Variants in CDH12 observed in about 807,000 individuals in gnomAD.
CDH12 encodes cadherin 12.
CDH12 carries 41 observed loss-of-function variants against 74.1 expected under a neutral mutation model. That is an observed-to-expected ratio of 0.55 (90% CI 0.43 to 0.72). The LOEUF (loss-of-function observed/expected upper bound fraction) is 0.72, where lower values mean the gene tolerates loss of function less well. CDH12 is among the 30% of genes least tolerant of loss of function. The pLI is 0.00. For synonymous variants in CDH12, 399 were observed against 355.0 expected, an observed-to-expected ratio of 1.12 and a Z score of -1.39; for missense variants, 945 against 977.2, an observed-to-expected ratio of 0.97 and a Z score of 0.44.
intron 6 of CDH12, among the ~76,000 whole-genome samples, chr5:21,925,057 G>A (rs1234557345): frequency 2.0e-5 from 3 of 151,928 alleles, no homozygotes; most frequent in Admixed American, 2.0e-4. Flanking sequence ...AAAACAAAGA[G>A]GAAAAGTTAA....
At chr5:22,681,228 G>GGGGGGT (rs1428206303) in intron 1 of CDH12, among the ~76,000 whole-genome samples, 9 of 105,816 alleles carry the variant, frequency 8.5e-5, no homozygotes, top group African/African-American at 2.5e-4. Context: ...GGTATTGGGG[G>GGGGGGT]GTGTGTGTGT....
intron 6 of CDH12, among the ~76,000 whole-genome samples, chr5:21,923,385 C>G (rs1483519430): frequency 1.3e-5 from 2 of 151,906 alleles, no homozygotes; most frequent in African/African-American, 2.4e-5. Flanking sequence ...TTTATTGAAC[C>G]CTTGTAAATG....
At chr5:22,423,206 T>C (rs1206392935) in intron 2 of CDH12, among the ~76,000 whole-genome samples, 1 of 121,440 alleles carries the variant, frequency 8.2e-6, no homozygotes, top group African/African-American at 3.0e-5. Flanking sequence ...GTAAACACAG[T>C]AAAAAAAAAA....
At chr5:21,843,639 G>A (rs4701503) in intron 7 of CDH12, among the ~76,000 whole-genome samples, 64,748 of 151,580 alleles carry the variant, frequency 0.43, 16,752 homozygotes, top group African/African-American at 0.73. Context: ...ATCAGCCTCC[G>A]GAGTAGCTGG....
chr5:22,332,517 A>G (rs756708970), intron 3 of CDH12, among the ~76,000 whole-genome samples: 1 of 152,210 alleles, frequency 6.6e-6, no homozygotes, highest in Non-Finnish European at 1.5e-5. Context: ...CTAACATCAG[A>G]GTGAACAAGC....
At chr5:22,520,709 C>G (rs1293802538) in intron 1 of CDH12, among the ~76,000 whole-genome samples, 1 of 152,036 alleles carries the variant, frequency 6.6e-6, no homozygotes, top group Admixed American at 6.6e-5. Context: ...CTTCAGTGAT[C>G]GTTATATAAA....
chr5:21,754,285 G>C (rs1744260759), intron 14 of CDH12, among the ~76,000 whole-genome samples: 1 of 151,998 alleles, frequency 6.6e-6, no homozygotes, highest in East Asian at 1.9e-4. Flanking sequence ...ACTCCATTTT[G>C]ACTCTTACAA....
chr5:22,471,604 T>A (rs183442918), intron 2 of CDH12, among the ~76,000 whole-genome samples: 20 of 152,312 alleles, frequency 1.3e-4, no homozygotes, highest in Non-Finnish European at 2.2e-4. Context: ...TGTCTCCAAT[T>A]CAATCTTTGG....
At chr5:22,273,506 C>A (rs1050161320) in intron 3 of CDH12, among the ~76,000 whole-genome samples, 1 of 152,138 alleles carries the variant, frequency 6.6e-6, no homozygotes, top group Admixed American at 6.5e-5. Context: ...TTAATTAATT[C>A]TTATATTAGC....
intron 1 of CDH12, among the ~76,000 whole-genome samples, chr5:22,758,002 T>G: frequency 6.6e-6 from 1 of 152,154 alleles, no homozygotes; most frequent in Non-Finnish European, 1.5e-5. Flanking sequence ...GGAATCAATT[T>G]TAATTAATTC....
At chr5:21,798,767 G>T (rs1746942259) in intron 10 of CDH12, among the ~76,000 whole-genome samples, 1 of 152,048 alleles carries the variant, frequency 6.6e-6, no homozygotes, top group Admixed American at 6.6e-5. Context: ...TTGGCACATT[G>T]AACATAACCT....
chr5:21,856,314 C>G lies in CDH12; in HGVS notation c.527-1524G>C, dbSNP rs1464572016. Among the ~76,000 whole-genome samples the G allele has an allele frequency of 2.0e-5, 3 of 151,660 alleles. No homozygotes were observed. The East Asian group carries it at 5.8e-4, about 29-fold the overall frequency. ...CAGCATTTTCCCCCAGAATATTCAT[C>G]AGGATGTTTTCTATCCCTCCACTAT... On this transcript the variant is annotated intron_variant, in intron 6 of 14. Transcript: ENST00000382254.
intron 10 of CDH12, among the ~76,000 whole-genome samples, chr5:21,793,322 T>A (rs577252917): frequency 1.4e-4 from 21 of 151,796 alleles, no homozygotes; most frequent in African/African-American, 5.1e-4. Flanking sequence ...ATACAGGGAG[T>A]TTTTTTCAAG....
rs75455045 is a variant in CDH12, at chr5:22,036,799, T to A, written c.231+41647A>T. Reference sequence around the variant, plus strand: ...TATGAAAATATTTTTAATAACATATTCACTAAACTAGCATTTCCCAGACAA... The same window carrying A: ...TATGAAAATATTTTTAATAACATATACACTAAACTAGCATTTCCCAGACAA... On this transcript the variant is annotated intron_variant, in intron 5 of 14. Coordinates refer to ENST00000382254, the MANE Select transcript of CDH12 (RefSeq NM_004061.5). Among the ~76,000 whole-genome samples, 1,113 of 152,270 alleles carry A rather than the reference T, an allele frequency of 7.3e-3. 6 individuals are homozygous for A. The highest frequency in any genetic ancestry group is 0.026 in the African/African-American group (1,072 of 41,556).
intron 1 of CDH12, among the ~76,000 whole-genome samples, chr5:22,698,715 ATATATATATATATATATATAGTGTG>A (rs1742534538): frequency 2.8e-5 from 1 of 35,504 alleles, no homozygotes; most frequent in African/African-American, 1.5e-4. Flanking sequence ...ATATATATAT[ATATATATATATATATATATAGTGTG>A]TGTGTGTGTG....
intron 2 of CDH12, among the ~76,000 whole-genome samples, chr5:22,464,237 A>G (rs1745637065): frequency 6.6e-6 from 1 of 152,196 alleles, no homozygotes; most frequent in Non-Finnish European, 1.5e-5. Context: ...TTCCCCAGCC[A>G]CGCAGAACTG....
At chr5:22,311,000 C>G (rs1738364506) in intron 3 of CDH12, among the ~76,000 whole-genome samples, 1 of 152,158 alleles carries the variant, frequency 6.6e-6, no homozygotes, top group South Asian at 2.1e-4. Flanking sequence ...TATTTTATAG[C>G]TGGTAATACC....
chr5:22,361,911 C>A (rs944881087), intron 3 of CDH12, among the ~76,000 whole-genome samples: 1 of 152,078 alleles, frequency 6.6e-6, no homozygotes. Flanking sequence ...CTTCCTTACA[C>A]CTTATACAAA....
At chr5:22,155,659 A>G (rs1200627351) in intron 4 of CDH12, among the ~76,000 whole-genome samples, 1 of 152,150 alleles carries the variant, frequency 6.6e-6, no homozygotes, top group African/African-American at 2.4e-5. Flanking sequence ...AAAATATTTT[A>G]TAAATAAAGT....
Sources: gnomAD v4.1 joint callset for allele counts (sites outside exome capture counted in the v4.1 genomes callset) on GRCh38, gnomAD v4.1.1 for gene constraint, MANE v1.5 for transcripts, NCBI Gene and HGNC (gene_info 2026-07-23, HGNC 2026-07-21) for gene names.